Variants in CMSS1 observed in about 807,000 individuals in gnomAD.
CMSS1 encodes cms1 ribosomal small subunit homolog.
CMSS1 carries 33 observed loss-of-function variants against 43.5 expected under a neutral mutation model. The ratio of observed to expected loss-of-function variants is 0.76; its 90% CI spans 0.57 to 1.01. The LOEUF (loss-of-function observed/expected upper bound fraction) is 1.01, where lower values mean the gene tolerates loss of function less well. Ranked by LOEUF, CMSS1 falls within the 50% of genes least tolerant of loss-of-function variation. The probability of loss-of-function intolerance (pLI) is 0.00; values close to 1 mark genes in which losing one functional copy is unlikely to be tolerated. For synonymous variants in CMSS1, 115 were observed against 117.2 expected, an observed-to-expected ratio of 0.98 and a Z score of 0.12; for missense variants, 313 against 326.4, an observed-to-expected ratio of 0.96 and a Z score of 0.32.
chr3:100,019,966 A>G (rs925818084), intron 1 of CMSS1, among the ~76,000 whole-genome samples: 12 of 152,158 alleles, frequency 7.9e-5, no homozygotes, highest in African/African-American at 2.9e-4. Flanking sequence ...AACTGGCTTA[A>G]AAGCTCTGTG....
At chr3:100,018,301 A>G (rs550509604) in intron 1 of CMSS1, among the ~76,000 whole-genome samples, 226 of 152,218 alleles carry the variant, frequency 1.5e-3, no homozygotes, top group Middle Eastern at 3.4e-3. Flanking sequence ...ACTCCAGCCT[A>G]GGCGACAAGA....
intron 9 of CMSS1, 32 bp downstream of exon 9, chr3:100,176,447 T>A (rs2067149151): frequency 7.0e-7 from 1 of 1,426,936 alleles, no homozygotes; most frequent in Non-Finnish European, 9.9e-7. Context: ...CCTTTAATCA[T>A]TTTTTCTCTA....
At chr3:100,028,508 G>T (rs897799799) in intron 1 of CMSS1, among the ~76,000 whole-genome samples, 1 of 152,032 alleles carries the variant, frequency 6.6e-6, no homozygotes, top group East Asian at 1.9e-4. Flanking sequence ...TTTAATTCAC[G>T]TTGGAGAATA....
intron 1 of CMSS1, among the ~76,000 whole-genome samples, chr3:100,125,211 TTAC>T (rs2066653700): frequency 1.3e-5 from 2 of 152,200 alleles, no homozygotes; most frequent in Admixed American, 1.3e-4. Context: ...TGTTATCATG[TTAC>T]TCTAGTGCTT....
chr3:100,008,037 CAA>C (rs760083908), intron 1 of CMSS1, among the ~76,000 whole-genome samples: 21 of 152,160 alleles, frequency 1.4e-4, no homozygotes, highest in East Asian at 7.7e-4. Context: ...GACCTGTACA[CAA>C]AGTGTTTCCC....
chr3:99,875,506 T>G (rs759760757), intron 1 of CMSS1, among the ~76,000 whole-genome samples: 6 of 152,228 alleles, frequency 3.9e-5, no homozygotes, highest in Non-Finnish European at 8.8e-5. Flanking sequence ...AATTGACATA[T>G]GCTTTTACGA....
chr3:100,176,116 CAGG>C (rs1024530991), intron 8 of CMSS1: 10 of 443,278 alleles, frequency 2.3e-5, no homozygotes, highest in Non-Finnish European at 3.6e-5. Context: ...CTGCTTTCCT[CAGG>C]AGGAGTGATG....
intron 1 of CMSS1, among the ~76,000 whole-genome samples, chr3:99,908,283 A>G (rs1443271675): frequency 6.6e-6 from 1 of 152,244 alleles, no homozygotes. Context: ...TATATGTGGA[A>G]AAAGAGATGC....
At chr3:100,024,094 A>G (rs1203868376) in intron 1 of CMSS1, among the ~76,000 whole-genome samples, 1 of 152,064 alleles carries the variant, frequency 6.6e-6, no homozygotes, top group Admixed American at 6.6e-5. Flanking sequence ...CTCTAACTAC[A>G]TCTTCCACAC....
intron 1 of CMSS1, among the ~76,000 whole-genome samples, chr3:100,077,033 C>G (rs1052110942): frequency 6.6e-6 from 1 of 152,188 alleles, no homozygotes; most frequent in Non-Finnish European, 1.5e-5. Flanking sequence ...CGGAACAAGG[C>G]TGGCCAGGGT....
chr3:99,908,872 TTG>T (rs527523023), intron 1 of CMSS1, among the ~76,000 whole-genome samples: 8 of 151,082 alleles, frequency 5.3e-5, no homozygotes, highest in Non-Finnish European at 1.0e-4. Flanking sequence ...AAAATTCCTA[TTG>T]TGTGTGTGTG....
At chr3:100,002,435 A>G (rs1389288936) in intron 1 of CMSS1, among the ~76,000 whole-genome samples, 2 of 152,100 alleles carry the variant, frequency 1.3e-5, no homozygotes, top group African/African-American at 4.8e-5. Flanking sequence ...GAATATTCAC[A>G]TTTTCTAGAA....
intron 1 of CMSS1, among the ~76,000 whole-genome samples, chr3:100,049,826 A>T (rs543788538): frequency 6.6e-6 from 1 of 152,232 alleles, no homozygotes. Flanking sequence ...TATATATACA[A>T]CATACAAAAT....
chr3:99,890,269 G>A (rs1706041399), intron 1 of CMSS1, among the ~76,000 whole-genome samples: 1 of 151,934 alleles, frequency 6.6e-6, no homozygotes, highest in Admixed American at 6.6e-5. Flanking sequence ...TTCCCTGGCT[G>A]TTTTTATGAT....
intron 1 of CMSS1, among the ~76,000 whole-genome samples, chr3:100,094,160 A>G (rs890696468): frequency 2.0e-5 from 3 of 151,930 alleles, no homozygotes; most frequent in African/African-American, 7.3e-5. Flanking sequence ...TTTGATTTTC[A>G]TTTGCATTTC....
chr3:100,073,643 A>G (rs1241674204), intron 1 of CMSS1, among the ~76,000 whole-genome samples: 1 of 152,186 alleles, frequency 6.6e-6, no homozygotes, highest in Non-Finnish European at 1.5e-5. Context: ...AAGGCCAGGA[A>G]GTTTTTCATG....
At chr3:100,110,181 G>T (rs1264293328) in intron 1 of CMSS1, among the ~76,000 whole-genome samples, 1 of 151,996 alleles carries the variant, frequency 6.6e-6, no homozygotes, top group African/African-American at 2.4e-5. Flanking sequence ...ATCTAAAACT[G>T]GAGGGGAAAA....
intron 1 of CMSS1, among the ~76,000 whole-genome samples, chr3:99,903,546 G>T (rs931412231): frequency 1.3e-5 from 2 of 152,106 alleles, no homozygotes; most frequent in African/African-American, 2.4e-5. Context: ...CACCGCGCCC[G>T]GCCATGTATG....
At chr3:99,988,847 G>C (rs1045284388) in intron 1 of CMSS1, among the ~76,000 whole-genome samples, 4 of 152,176 alleles carry the variant, frequency 2.6e-5, no homozygotes, top group Admixed American at 1.3e-4. Flanking sequence ...TCCAAATCTG[G>C]CAGGTGCCTT....
Sources: allele counts gnomAD v4.1 joint callset (sites outside exome capture counted in the v4.1 genomes callset), GRCh38; gene constraint gnomAD v4.1.1; transcripts MANE v1.5; gene names NCBI Gene and HGNC (gene_info 2026-07-23, HGNC 2026-07-21).